The following IL1RAPL2 variants were observed in gnomAD, a reference collection of about 807,000 sequenced individuals.
The protein encoded by IL1RAPL2 is X-linked interleukin-1 receptor accessory protein-like 2.
A neutral mutation model predicts 44.1 loss-of-function variants in IL1RAPL2; 3 were observed. That is an observed-to-expected ratio of 0.07 (90% CI 0.03 to 0.18). The LOEUF (loss-of-function observed/expected upper bound fraction) is 0.18, where lower values mean the gene tolerates loss of function less well. Ranked by LOEUF, IL1RAPL2 falls within the 10% of genes least tolerant of loss-of-function variation. IL1RAPL2 has a pLI of 1.00. For synonymous variants in IL1RAPL2, 181 were observed against 178.8 expected (o/e 1.01, Z -0.10); for missense variants, 391 against 496.4 (o/e 0.79, Z 2.02).
intron 2 of IL1RAPL2, among the ~76,000 whole-genome samples, chrX:104,921,031 G>C (rs1400758150): frequency 9.0e-6 from 1 of 111,471 alleles, no homozygotes; most frequent in Non-Finnish European, 1.9e-5. Context: ...TCCCAAGGAA[G>C]TGTTGAGGGA....
chrX:104,924,472 T>C (rs1924727679), intron 2 of IL1RAPL2, among the ~76,000 whole-genome samples: 1 of 111,690 alleles, frequency 9.0e-6, no homozygotes, highest in Non-Finnish European at 1.9e-5. Context: ...TCTCAATAAA[T>C]CAAAAACATT....
intron 5 of IL1RAPL2, among the ~76,000 whole-genome samples, chrX:105,374,945 C>CAA (rs149097097): frequency 4.8e-4 from 14 of 28,991 alleles, no homozygotes; most frequent in East Asian, 2.9e-3. Context: ...GACTCCATCT[C>CAA]AAAAAAAAAA....
chrX:104,787,923 A>G (rs746952321), intron 2 of IL1RAPL2, among the ~76,000 whole-genome samples: 10 of 111,712 alleles, frequency 9.0e-5, no homozygotes, highest in Admixed American at 1.9e-4. Context: ...AGTTTGATTC[A>G]TGTGGGTTTT....
chrX:104,701,659 A>C (rs1468316884), intron 2 of IL1RAPL2, among the ~76,000 whole-genome samples: 2 of 111,737 alleles, frequency 1.8e-5, no homozygotes. Flanking sequence ...GGAGCCATGA[A>C]GGTCCATTGG....
At chrX:105,723,176 G>A (rs1373976252) in intron 7 of IL1RAPL2, among the ~76,000 whole-genome samples, 1 of 111,265 alleles carries the variant, frequency 9.0e-6, no homozygotes, top group African/African-American at 3.3e-5. Flanking sequence ...CCATTCACAC[G>A]TTCTACCTTC....
intron 5 of IL1RAPL2, among the ~76,000 whole-genome samples, chrX:105,355,187 C>T (rs1049858832): frequency 5.4e-5 from 6 of 111,549 alleles, no homozygotes; most frequent in Non-Finnish European, 1.1e-4. Flanking sequence ...CCATAGCCCT[C>T]AGATTAAAGC....
intron 6 of IL1RAPL2, among the ~76,000 whole-genome samples, chrX:105,598,649 T>C (rs933104221): frequency 3.6e-5 from 4 of 111,217 alleles, no homozygotes; most frequent in Non-Finnish European, 7.6e-5. Context: ...TGCATATGAG[T>C]TGTTTTTGTT....
intron 1 of IL1RAPL2, among the ~76,000 whole-genome samples, chrX:104,586,255 G>C (rs1350998685): frequency 5.4e-5 from 6 of 111,521 alleles, no homozygotes; most frequent in African/African-American, 1.6e-4. Flanking sequence ...CTTTTGAAAA[G>C]TGTCTGTTTG....
intron 6 of IL1RAPL2, among the ~76,000 whole-genome samples, chrX:105,665,953 G>A (rs1204734154): frequency 9.2e-6 from 1 of 108,236 alleles, no homozygotes; most frequent in African/African-American, 3.4e-5. Context: ...TTGTAGAGAC[G>A]GGGTTTCACC....
At chrX:105,763,978 A>G (rs1417477726) in intron 10 of IL1RAPL2, among the ~76,000 whole-genome samples, 1 of 111,702 alleles carries the variant, frequency 9.0e-6, no homozygotes, top group Non-Finnish European at 1.9e-5. Flanking sequence ...GACTGACTCT[A>G]GTGCATATGA....
chrX:104,585,319 ATT>A (rs1928514524), intron 1 of IL1RAPL2, among the ~76,000 whole-genome samples: 1 of 21,498 alleles, frequency 4.7e-5, no homozygotes, highest in Non-Finnish European at 6.5e-5. Context: ...TATAATATAT[ATT>A]ATATATAATA....
chrX:105,305,833 GC>G (rs2034732659), intron 5 of IL1RAPL2, among the ~76,000 whole-genome samples: 1 of 111,733 alleles, frequency 8.9e-6, no homozygotes, highest in Non-Finnish European at 1.9e-5. Flanking sequence ...AGGGACATCT[GC>G]TCGGGGCAGA....
intron 5 of IL1RAPL2, among the ~76,000 whole-genome samples, chrX:105,328,138 C>T (rs892373874): frequency 9.0e-5 from 10 of 111,694 alleles, no homozygotes; most frequent in African/African-American, 2.9e-4. Flanking sequence ...AGCAAGAGTA[C>T]TTTCCAGGGC....
chrX:105,124,204 G>A (rs757099665), intron 2 of IL1RAPL2, among the ~76,000 whole-genome samples: 12 of 110,893 alleles, frequency 1.1e-4, no homozygotes, highest in Non-Finnish European at 1.9e-4. Flanking sequence ...CCTTTCTGAT[G>A]TCCCATCATA....
intron 2 of IL1RAPL2, among the ~76,000 whole-genome samples, chrX:104,688,334 T>G (rs1267613027): frequency 1.8e-5 from 2 of 111,603 alleles, no homozygotes; most frequent in African/African-American, 3.3e-5. Flanking sequence ...ATCAGGGCCT[T>G]TGATATGTTA....
At chrX:104,908,964 G>A (rs1433568275) in intron 2 of IL1RAPL2, among the ~76,000 whole-genome samples, 4 of 110,345 alleles carry the variant, frequency 3.6e-5, no homozygotes, top group South Asian at 3.9e-4. Flanking sequence ...CATTCTCCCC[G>A]TCACTTTCAG....
intron 1 of IL1RAPL2, among the ~76,000 whole-genome samples, chrX:104,634,424 G>A (rs1929741184): frequency 9.0e-6 from 1 of 111,414 alleles, no homozygotes; most frequent in African/African-American, 3.3e-5. Context: ...TCTTTGATCT[G>A]TCTAATGTTG....
At chrX:104,708,785 T>C (rs1931404180) in intron 2 of IL1RAPL2, among the ~76,000 whole-genome samples, 1 of 110,635 alleles carries the variant, frequency 9.0e-6, no homozygotes, top group African/African-American at 3.3e-5. Context: ...TTAAAGTTGT[T>C]ATAATCAGCC....
chrX:105,073,257 A>G (rs2032236146), intron 2 of IL1RAPL2, among the ~76,000 whole-genome samples: 2 of 80,538 alleles, frequency 2.5e-5, no homozygotes, highest in African/African-American at 5.0e-5. Context: ...ATGTGTTCTC[A>G]TTGTTCAATT....
Sources: gnomAD v4.1 joint callset for allele counts (sites outside exome capture counted in the v4.1 genomes callset) on GRCh38, gnomAD v4.1.1 for gene constraint, MANE v1.5 for transcripts, NCBI Gene and HGNC (gene_info 2026-07-23, HGNC 2026-07-21) for gene names.